The following PABIR3 variants were observed in gnomAD, a reference collection of about 807,000 sequenced individuals.
The protein encoded by PABIR3 is PABIR family member 1.
PABIR3 carries 20 observed loss-of-function variants against 23.1 expected under a neutral mutation model. That is an observed-to-expected ratio of 0.86 (90% CI 0.61 to 1.26). The LOEUF is 1.26. Among genes scored for constraint, PABIR3 ranks in the 50% most tolerant of loss-of-function variants. The pLI is 0.00. For synonymous variants in PABIR3, 69 were observed against 68.5 expected, an observed-to-expected ratio of 1.01 and a Z score of -0.04; for missense variants, 189 against 195.4, an observed-to-expected ratio of 0.97 and a Z score of 0.20.
intron 3 of PABIR3, among the ~76,000 whole-genome samples, chrX:134,818,244 A>G (rs1375871201): frequency 8.9e-6 from 1 of 112,023 alleles, no homozygotes; most frequent in Non-Finnish European, 1.9e-5. Context: ...CTCAGGAGTG[A>G]GAGCTGGACT....
At chrX:134,820,355 A>G (rs1216378427) in intron 3 of PABIR3, among the ~76,000 whole-genome samples, 2 of 111,972 alleles carry the variant, frequency 1.8e-5, no homozygotes, top group Admixed American at 1.9e-4. Context: ...AAAAATACAA[A>G]TATTATTGAA....
chrX:134,844,647 A>G (rs1453038396), intron 4 of PABIR3, among the ~76,000 whole-genome samples: 1 of 111,890 alleles, frequency 8.9e-6, no homozygotes, highest in Non-Finnish European at 1.9e-5. Flanking sequence ...CTTTCTGAGC[A>G]CCTCTCTTAC....
chrX:134,815,441 T>G, intron 3 of PABIR3, among the ~76,000 whole-genome samples: 1 of 111,886 alleles, frequency 8.9e-6, no homozygotes. Context: ...TTTATTGAGG[T>G]GAAATTCACA....
intron 2 of PABIR3, chrX:134,810,822 A>G: frequency 5.3e-6 from 4 of 753,754 alleles, no homozygotes; most frequent in Non-Finnish European, 6.3e-6. Context: ...TAGGAATTAA[A>G]GATATAGAAA....
Position 134,842,715 on chromosome X carries a change from C to T in PABIR3, c.247-2490C>T, listed in dbSNP as rs1281478933. Among the ~76,000 whole-genome samples the T allele has an allele frequency of 4.6e-5, 5 of 109,310 alleles. No individual in the cohort carries two copies. In the Admixed American group the frequency reaches 4.9e-4, roughly 11 times the overall value. The allele number at this position is 109,310 out of a possible 115,157, so 94.9% of individuals were successfully genotyped here. Reference sequence around the variant, plus strand: ...GAGTTTGAAACCAGCCTGGCCAACACGGTGAAACCCCATCTCTGCTAAACA... The same window carrying T: ...GAGTTTGAAACCAGCCTGGCCAACATGGTGAAACCCCATCTCTGCTAAACA... On this transcript the variant is annotated intron_variant, in intron 4 of 10. Transcript: ENST00000645433.
intron 9 of PABIR3, among the ~76,000 whole-genome samples, chrX:134,850,516 T>C: frequency 9.0e-6 from 1 of 111,666 alleles, no homozygotes; most frequent in Non-Finnish European, 1.9e-5. Context: ...TTCGGGCTAG[T>C]GTTGAAAAAA....
At chrX:134,803,765 C>T, upstream of PABIR3, among the ~76,000 whole-genome samples, 1 of 112,011 alleles carries the variant, frequency 8.9e-6, no homozygotes, top group African/African-American at 3.2e-5. Flanking sequence ...TTCTTTTGTT[C>T]ACAATAGCTA....
chrX:134,806,570 C>T (rs751551329), upstream of PABIR3, among the ~76,000 whole-genome samples: 3 of 106,592 alleles, frequency 2.8e-5, no homozygotes, highest in South Asian at 1.3e-3. Flanking sequence ...GAGCCGAGAT[C>T]GCGGCCACTG....
At chrX:134,851,743 C>T (rs1328275253) in intron 9 of PABIR3, among the ~76,000 whole-genome samples, 1 of 111,542 alleles carries the variant, frequency 9.0e-6, no homozygotes, top group Non-Finnish European at 1.9e-5. Context: ...TCTGTAGTGA[C>T]ATAAATGTAA....
intron 3 of PABIR3, chrX:134,822,413 TC>T (rs2081331280): frequency 8.4e-5 from 63 of 751,230 alleles, no homozygotes; most frequent in Non-Finnish European, 9.9e-5. Flanking sequence ...CAAGATTTGA[TC>T]CACATTTTGT....
At chrX:134,853,493 A>G (rs1249563016) in intron 10 of PABIR3, among the ~76,000 whole-genome samples, 1 of 112,042 alleles carries the variant, frequency 8.9e-6, no homozygotes, top group Non-Finnish European at 1.9e-5. Flanking sequence ...GGAAAAAGTC[A>G]TCTTCTGCCC....
chrX:134,850,551 G>A (rs2082596276), intron 9 of PABIR3, among the ~76,000 whole-genome samples: 1 of 111,861 alleles, frequency 8.9e-6, no homozygotes, highest in Admixed American at 9.6e-5. Flanking sequence ...AGCAGTTTAA[G>A]AGCTGTTAGA....
intron 4 of PABIR3, among the ~76,000 whole-genome samples, chrX:134,839,844 G>A (rs1252405079): frequency 8.9e-6 from 1 of 111,816 alleles, no homozygotes; most frequent in Non-Finnish European, 1.9e-5. Context: ...CCGGCCAGCC[G>A]CCCCGTCTGG....
intron 1 of PABIR3, chrX:134,797,088 G>C (rs1203161807): frequency 8.8e-6 from 1 of 113,789 alleles, no homozygotes; most frequent in Non-Finnish European, 1.9e-5. Context: ...TGGTCTGGGG[G>C]AACCCGTTGG....
Position 134,847,946 on chromosome X carries a change from CCCAGT to C in PABIR3, c.505_509del (p.Ser169TyrfsTer16), listed in dbSNP as rs1308373815. ...CACTGGTTCGCCTTCAAGTCCTATT[CCCAGT>C]CCTATGCAACAATACATCATGTAAG... On this transcript the variant is annotated frameshift_variant, in exon 8 of 11. Coordinates refer to ENST00000645433, the MANE Select transcript of PABIR3 (RefSeq NM_001388447.1). LOFTEE classifies it high-confidence loss of function. The C allele has an allele frequency of 8.7e-7, 1 of 1,152,917 alleles. No individual in the cohort carries two copies. Among genetic ancestry groups the C allele is most frequent in the Non-Finnish European group, 1.1e-6 (1 of 870,426 alleles).
At chrX:134,798,720 T>G (rs1420493074) in intron 1 of PABIR3, among the ~76,000 whole-genome samples, 1 of 111,961 alleles carries the variant, frequency 8.9e-6, no homozygotes, top group East Asian at 2.8e-4. Flanking sequence ...ATATTGAATC[T>G]TGCTGGAGGA....
In PABIR3 at chrX:134,852,853, A is replaced by G. The variant is rs1255885484; in HGVS notation, c.643A>G (p.Met215Val). The G allele has an allele frequency of 1.7e-6, 2 of 1,143,200 alleles. No individual in the cohort carries two copies. The highest frequency in any genetic ancestry group is 1.8e-5 in the African/African-American group (1 of 55,753). The allele number at this position is 1,143,200 out of a possible 1,213,427, so 94.2% of individuals were successfully genotyped here. A position where few individuals can be genotyped will look rare whatever the true frequency, so the allele number is the denominator to read the frequency against. The part of the protein sequence containing the change: ...PKKIFQGTTN[M>V]LSSDTSQLSE... Reference sequence around the variant, plus strand: ...AAAGATTTTCCAAGGCACAACCAACATGCTTTCTTCTGATACTTCCCAACT... The same window carrying G: ...AAAGATTTTCCAAGGCACAACCAACGTGCTTTCTTCTGATACTTCCCAACT... Residue 215 changes from methionine (M) to valine (V), a missense_variant, in exon 10 of 11, where the codon ATG (methionine) becomes GTG (valine). Coordinates refer to ENST00000645433, the MANE Select transcript of PABIR3 (RefSeq NM_001388447.1).
chrX:134,828,035 C>A (rs1471657134), intron 3 of PABIR3, among the ~76,000 whole-genome samples: 16 of 71,358 alleles, frequency 2.2e-4, no homozygotes, highest in Middle Eastern at 6.6e-3. Context: ...CTCTCTCTCT[C>A]TCTCTCTCTC....
chrX:134,804,316 T>C (rs942695267), upstream of PABIR3: 1 of 873,281 alleles, frequency 1.1e-6, no homozygotes, highest in African/African-American at 2.0e-5. Flanking sequence ...GTGTTTGCCA[T>C]TGTAGCATAT....
Sources: gnomAD v4.1 joint callset for allele counts (sites outside exome capture counted in the v4.1 genomes callset) on GRCh38, gnomAD v4.1.1 for gene constraint, MANE v1.5 for transcripts, NCBI Gene and HGNC (gene_info 2026-07-23, HGNC 2026-07-21) for gene names.